Variants in TRPC4 observed in about 807,000 individuals in gnomAD.
TRPC4 encodes transient receptor potential cation channel subfamily C member 4.
Under a neutral mutation model 99.4 loss-of-function variants are expected in TRPC4, and 49 were observed. The ratio of observed to expected loss-of-function variants is 0.49; its 90% CI spans 0.39 to 0.63. The LOEUF is 0.63. TRPC4 is among the 20% of genes least tolerant of loss of function. TRPC4 has a pLI of 0.00. For missense variants in TRPC4, 898 were observed against 1,152.9 expected, an observed-to-expected ratio of 0.78 and a Z score of 3.20; for synonymous variants, 454 against 425.9, an observed-to-expected ratio of 1.07 and a Z score of -0.81.
chr13:37,654,663 T>C (rs1952163629), intron 7 of TRPC4, among the ~76,000 whole-genome samples: 1 of 152,176 alleles, frequency 6.6e-6, no homozygotes, highest in South Asian at 2.1e-4. Flanking sequence ...TCCTGTGGCT[T>C]CTCCCCTTCC....
At chr13:37,766,332 A>G (rs1956365536) in intron 2 of TRPC4, among the ~76,000 whole-genome samples, 1 of 151,474 alleles carries the variant, frequency 6.6e-6, no homozygotes, top group Admixed American at 6.6e-5. Context: ...GTGGATGTAT[A>G]GAGAATGAGG....
intron 5 of TRPC4, among the ~76,000 whole-genome samples, chr13:37,667,389 C>T (rs943681473): frequency 2.6e-4 from 40 of 152,186 alleles, no homozygotes; most frequent in African/African-American, 7.7e-4. Flanking sequence ...TCACTGCAAC[C>T]TCCATCTCTT....
chr13:37,741,660 A>G (rs569729308), intron 3 of TRPC4, among the ~76,000 whole-genome samples: 1 of 151,936 alleles, frequency 6.6e-6, no homozygotes, highest in Non-Finnish European at 1.5e-5. Flanking sequence ...TCACAACGTG[A>G]AAGCAAAGAA....
chr13:37,714,231 A>C (rs1232327844), intron 3 of TRPC4, among the ~76,000 whole-genome samples: 2 of 151,340 alleles, frequency 1.3e-5, no homozygotes, highest in Non-Finnish European at 2.9e-5. Context: ...GGTTCAAACG[A>C]TTCTCCTGCC....
chr13:37,734,585 T>C (rs1410142902), intron 3 of TRPC4, among the ~76,000 whole-genome samples: 1 of 152,182 alleles, frequency 6.6e-6, no homozygotes, highest in African/African-American at 2.4e-5. Context: ...ATGGATATGC[T>C]AATTAGCCTG....
At chr13:37,750,713 T>C (rs1435376833) in intron 2 of TRPC4, among the ~76,000 whole-genome samples, 1 of 152,086 alleles carries the variant, frequency 6.6e-6, no homozygotes, top group Non-Finnish European at 1.5e-5. Flanking sequence ...GTTTGTTACA[T>C]AGGTATACAC....
At chr13:37,827,615 G>T (rs1462957148) in intron 1 of TRPC4, among the ~76,000 whole-genome samples, 1 of 152,142 alleles carries the variant, frequency 6.6e-6, no homozygotes, top group Non-Finnish European at 1.5e-5. Context: ...CACTTGAGGA[G>T]GCAGTCTGCC....
At chr13:37,845,437 A>C (rs570737013) in intron 1 of TRPC4, among the ~76,000 whole-genome samples, 1 of 152,226 alleles carries the variant, frequency 6.6e-6, no homozygotes, top group Non-Finnish European at 1.5e-5. Flanking sequence ...AAACAAAATG[A>C]GAAGCTTGCA....
chr13:37,848,851 A>G (rs966466893), intron 1 of TRPC4, among the ~76,000 whole-genome samples: 4 of 152,216 alleles, frequency 2.6e-5, no homozygotes, highest in African/African-American at 9.6e-5. Context: ...AAGAACTAAC[A>G]TGCTTTTGTA....
intron 8 of TRPC4, among the ~76,000 whole-genome samples, chr13:37,650,924 A>G (rs2138611129): frequency 6.6e-6 from 1 of 152,328 alleles, no homozygotes; most frequent in South Asian, 2.1e-4. Context: ...AAATGCCACA[A>G]ATAACCTGCT....
At chr13:37,672,222 G>T (rs1952873427) in intron 5 of TRPC4, among the ~76,000 whole-genome samples, 1 of 152,002 alleles carries the variant, frequency 6.6e-6, no homozygotes, top group Admixed American at 6.5e-5. Context: ...TCTTATATAT[G>T]AAAAAATACA....
intron 3 of TRPC4, among the ~76,000 whole-genome samples, chr13:37,739,245 C>A (rs1013917526): frequency 6.6e-6 from 1 of 152,016 alleles, no homozygotes; most frequent in Non-Finnish European, 1.5e-5. Flanking sequence ...TGAATCTTTT[C>A]AAAGCAGTTT....
At chr13:37,853,154 G>T (rs1300756571) in intron 1 of TRPC4, among the ~76,000 whole-genome samples, 2 of 152,192 alleles carry the variant, frequency 1.3e-5, no homozygotes, top group Admixed American at 1.3e-4. Context: ...GCAAGACCCA[G>T]TGCTGTGCTG....
rs1338816730 is a variant in TRPC4 at position 37,635,459 on chromosome 13, T to G, written c.*1444A>C. ...ATAGAACAGAGGCTGGCATTGTTAT[T>G]GCTGTTATTCCTTATTTTTGATGTT... On this transcript the variant is annotated 3_prime_UTR_variant, in exon 11 of 11. Transcript: ENST00000379705. 6.6e-6 allele frequency among the ~76,000 whole-genome samples: 1 copy of G among 152,172 alleles called. No homozygotes were observed. Among genetic ancestry groups the G allele is most frequent in the Non-Finnish European group, 1.5e-5 (1 of 68,012 alleles).
chr13:37,696,888 G>T (rs936547112), intron 3 of TRPC4, among the ~76,000 whole-genome samples: 24 of 150,892 alleles, frequency 1.6e-4, no homozygotes, highest in Middle Eastern at 3.5e-3. Context: ...GAACTTCAGG[G>T]AATTAACTTT....
At chr13:37,799,256 C>T (rs604068) in intron 1 of TRPC4, among the ~76,000 whole-genome samples, 143,991 of 152,216 alleles carry the variant, frequency 0.95, 68,638 homozygotes, top group East Asian at 1. Flanking sequence ...ATCTTTAACA[C>T]CAACACCTGG....
At chr13:37,793,820 T>A (rs1957180606) in intron 1 of TRPC4, among the ~76,000 whole-genome samples, 1 of 152,168 alleles carries the variant, frequency 6.6e-6, no homozygotes, top group Non-Finnish European at 1.5e-5. Context: ...TGCGTATCAC[T>A]CTTTTGAAAG....
At chr13:37,842,370 AGG>A (rs66460951) in intron 1 of TRPC4, among the ~76,000 whole-genome samples, 11,179 of 109,538 alleles carry the variant, frequency 0.1, 1,150 homozygotes, top group Non-Finnish European at 0.14. Context: ...AAAAAAAAAA[AGG>A]AAAAGGAAAA....
intron 2 of TRPC4, among the ~76,000 whole-genome samples, chr13:37,773,335 T>C (rs556057092): frequency 6.6e-6 from 1 of 151,984 alleles, no homozygotes; most frequent in South Asian, 2.1e-4. Context: ...AATTTTTTTA[T>C]CCATAACAGT....
Sources: allele counts gnomAD v4.1 joint callset (sites outside exome capture counted in the v4.1 genomes callset), GRCh38; gene constraint gnomAD v4.1.1; transcripts MANE v1.5; gene names NCBI Gene and HGNC (gene_info 2026-07-23, HGNC 2026-07-21).